Variants in ZFYVE28 observed in about 807,000 individuals in gnomAD.
ZFYVE28 encodes zinc finger FYVE-type containing 28, also known as lateral signaling target protein 2 homolog.
Under a neutral mutation model 82.1 loss-of-function variants are expected in ZFYVE28, and 40 were observed. The observed-to-expected ratio is 0.49, with a 90% CI of 0.38 to 0.63. The LOEUF is 0.63. ZFYVE28 is among the 30% of genes least tolerant of loss of function. ZFYVE28 has a pLI of 0.00. For synonymous variants in ZFYVE28, 612 were observed against 546.1 expected, an observed-to-expected ratio of 1.12 and a Z score of -1.68; for missense variants, 1,321 against 1,242.1, an observed-to-expected ratio of 1.06 and a Z score of -0.96.
intron 8 of ZFYVE28, among the ~76,000 whole-genome samples, chr4:2,294,279 G>A (rs1714208614): frequency 6.6e-6 from 1 of 152,202 alleles, no homozygotes; most frequent in Non-Finnish European, 1.5e-5. Flanking sequence ...AGACTGGAGA[G>A]TTCAGATGTA....
chr4:2,414,321 C>CA (rs1389434149), intron 1 of ZFYVE28, among the ~76,000 whole-genome samples: 1 of 152,258 alleles, frequency 6.6e-6, no homozygotes, highest in Non-Finnish European at 1.5e-5. Flanking sequence ...TTACCAAACC[C>CA]AAAGGGGTCT....
chr4:2,284,190 G>A (rs997587229), intron 8 of ZFYVE28, among the ~76,000 whole-genome samples: 1 of 152,232 alleles, frequency 6.6e-6, no homozygotes, highest in African/African-American at 2.4e-5. Context: ...GTACGCAGTG[G>A]AGGGAGTCAG....
chr4:2,354,069 G>A lies in ZFYVE28; in HGVS notation c.44C>T (p.Ser15Leu), dbSNP rs765834074. The change falls in exon 2 of 13, where the codon TCG (serine) becomes TTG (leucine). Residue 15 changes from serine (S) to leucine (L), a missense_variant. This residue lies in a region of ZFYVE28 where 343 missense variants were observed against 408.4 expected (regional missense o/e 0.84). Coordinates refer to ENST00000290974, the MANE Select transcript of ZFYVE28 (RefSeq NM_020972.3). ...FRKWLYKPKR[S>L]DPQLLARFYY... is the part of the protein sequence containing the mutation. Reference sequence around the variant, plus strand: ...GAACCGGGCAAGCAGCTGCGGATCCGACCTCTGCAGGAGAGAGGGGCCAGG... The same window carrying A: ...GAACCGGGCAAGCAGCTGCGGATCCAACCTCTGCAGGAGAGAGGGGCCAGG... 8.3e-6 allele frequency: 13 copies of A among 1,557,538 alleles called. No homozygotes were observed. The highest frequency in any genetic ancestry group is 3.8e-5 in the Admixed American group (2 of 53,272).
intron 6 of ZFYVE28, among the ~76,000 whole-genome samples, chr4:2,334,028 G>A (rs1721159198): frequency 6.6e-6 from 1 of 152,166 alleles, no homozygotes; most frequent in South Asian, 2.1e-4. Context: ...GGGACACCCT[G>A]CCCTCCAGCC....
rs1578447460 is a variant in ZFYVE28 at position 2,417,182 on chromosome 4, C to T, written c.39+1103G>A. Among the ~76,000 whole-genome samples, 1 of 152,252 alleles carries T rather than the reference C, an allele frequency of 6.6e-6. No homozygotes were observed. The highest frequency in any genetic ancestry group is 1.9e-4 in the East Asian group (1 of 5,174). On this transcript the variant is annotated intron_variant, in intron 1 of 12. Coordinates refer to ENST00000290974, the MANE Select transcript of ZFYVE28 (RefSeq NM_020972.3). The surrounding 1 kb of genome is among the most constrained non-coding windows in gnomAD (Gnocchi z 4.8). ...GACGAAGCGCTGGCCCCACTCCCGCCCTTGGTCGCCGCGGTGACCCCACCC... is the reference window on the plus strand; with the variant it reads ...GACGAAGCGCTGGCCCCACTCCCGCTCTTGGTCGCCGCGGTGACCCCACCC...
chr4:2,376,605 C>T (rs1271001460), intron 1 of ZFYVE28, among the ~76,000 whole-genome samples: 8 of 152,210 alleles, frequency 5.3e-5, no homozygotes, highest in South Asian at 2.1e-4. Flanking sequence ...AAATGCCAGA[C>T]GCTTATAAAA....
At chr4:2,392,455 A>G (rs184178542) in intron 1 of ZFYVE28, among the ~76,000 whole-genome samples, 21 of 152,334 alleles carry the variant, frequency 1.4e-4, no homozygotes, top group African/African-American at 4.8e-4. Flanking sequence ...CTAAAAGAAA[A>G]GTACAATCAT....
intron 1 of ZFYVE28, among the ~76,000 whole-genome samples, chr4:2,398,988 G>A (rs964982416): frequency 2.7e-5 from 4 of 145,782 alleles, no homozygotes; most frequent in South Asian, 2.3e-4. Context: ...GGTCAGTGGC[G>A]AGATTGAGGG....
chr4:2,282,835 G>A (rs1167035508), intron 8 of ZFYVE28, among the ~76,000 whole-genome samples: 2 of 152,126 alleles, frequency 1.3e-5, no homozygotes, highest in Non-Finnish European at 2.9e-5. Flanking sequence ...TCCCAGCTAC[G>A]GGGAGGCTGA....
At chr4:2,384,284 G>C (rs572614570) in intron 1 of ZFYVE28, among the ~76,000 whole-genome samples, 40 of 152,340 alleles carry the variant, frequency 2.6e-4, no homozygotes, top group African/African-American at 9.4e-4. Flanking sequence ...TATCTGCGAA[G>C]AGGAAACTGG....
chr4:2,324,497 T>C, intron 6 of ZFYVE28: 1 of 179,656 alleles, frequency 5.6e-6, no homozygotes, highest in Non-Finnish European at 1.2e-5. Context: ...ACAAGCTGGC[T>C]GAAGCATTTG....
chr4:2,330,763 G>T (rs960275042), intron 6 of ZFYVE28: 2 of 1,510,572 alleles, frequency 1.3e-6, no homozygotes, highest in Non-Finnish European at 1.8e-6. Context: ...AGGGGACAGT[G>T]TGGCAGTAGG....
At chr4:2,347,222 T>C (rs1256982399) in intron 2 of ZFYVE28, among the ~76,000 whole-genome samples, 3 of 152,174 alleles carry the variant, frequency 2.0e-5, no homozygotes, top group Non-Finnish European at 4.4e-5. Context: ...TTCAATTTAT[T>C]AGGAGCACAT....
At chr4:2,378,585 G>C (rs969378666) in intron 1 of ZFYVE28, among the ~76,000 whole-genome samples, 1 of 152,128 alleles carries the variant, frequency 6.6e-6, no homozygotes, top group Non-Finnish European at 1.5e-5. Flanking sequence ...CTTCTCCACT[G>C]AACTTTGATG....
At chr4:2,342,032 C>T (rs1233821149) in intron 2 of ZFYVE28, among the ~76,000 whole-genome samples, 1 of 152,188 alleles carries the variant, frequency 6.6e-6, no homozygotes, top group Non-Finnish European at 1.5e-5. Context: ...GCCATGGGCT[C>T]AGACGGACTC....
At chr4:2,405,645 T>C (rs535281165) in intron 1 of ZFYVE28, among the ~76,000 whole-genome samples, 1 of 152,310 alleles carries the variant, frequency 6.6e-6, no homozygotes, top group East Asian at 1.9e-4. Context: ...GTGCCCATTG[T>C]CTCTGAGACC....
At chr4:2,397,878 A>C (rs1258685745) in intron 1 of ZFYVE28, among the ~76,000 whole-genome samples, 1 of 152,124 alleles carries the variant, frequency 6.6e-6, no homozygotes, top group Non-Finnish European at 1.5e-5. Flanking sequence ...GTGCTCCTGG[A>C]GACACTTTGG....
intron 6 of ZFYVE28, among the ~76,000 whole-genome samples, chr4:2,333,989 C>G (rs944616045): frequency 6.6e-6 from 1 of 152,138 alleles, no homozygotes; most frequent in Non-Finnish European, 1.5e-5. Flanking sequence ...AGGACACTTC[C>G]CTCCAAGCCA....
intron 2 of ZFYVE28, chr4:2,342,944 A>G (rs994538585): frequency 6.6e-6 from 1 of 152,204 alleles, no homozygotes; most frequent in Admixed American, 6.5e-5. Flanking sequence ...TTTTCAGCCA[A>G]CGTTGAGACG....
Sources: allele counts gnomAD v4.1 joint callset (sites outside exome capture counted in the v4.1 genomes callset), GRCh38; gene constraint gnomAD v4.1.1; regional missense constraint gnomAD v4.1.1; non-coding constraint Gnocchi (gnomAD v3.1); transcripts MANE v1.5; gene names NCBI Gene and HGNC (gene_info 2026-07-23, HGNC 2026-07-21).